Variants in OSBPL3 observed in about 807,000 individuals in gnomAD.
The protein encoded by OSBPL3 is oxysterol-binding protein-related protein 3.
In OSBPL3, 65 loss-of-function variants were observed where a neutral mutation model predicts 120.1. The ratio of observed to expected loss-of-function variants is 0.54; its 90% CI spans 0.44 to 0.67. OSBPL3 has a LOEUF of 0.67. OSBPL3 is among the 30% of genes least tolerant of loss of function. OSBPL3 has a pLI of 0.00. For synonymous variants in OSBPL3, 416 were observed against 402.6 expected, an observed-to-expected ratio of 1.03 and a Z score of -0.40; for missense variants, 1,004 against 1,082.1, an observed-to-expected ratio of 0.93 and a Z score of 1.01.
At position 24,972,862 on chromosome 7, in the gene OSBPL3, T is replaced by C. The variant is rs955698393; in HGVS notation, c.-150+7024A>G. Among the ~76,000 whole-genome samples, 1 of 152,194 alleles carries C rather than the reference T, an allele frequency of 6.6e-6. No individual in the cohort carries two copies. The highest frequency in any genetic ancestry group is 2.4e-5 in the African/African-American group (1 of 41,440). ...TTGTTTTATAAGATGTAAACTATAA[T>C]TTTAAAGTTCTTGTAACTATTACAA... On this transcript the variant is annotated intron_variant, in intron 1 of 22. Coordinates refer to ENST00000313367, the MANE Select transcript of OSBPL3 (RefSeq NM_015550.4). The surrounding 1 kb of genome is among the most constrained non-coding windows in gnomAD (Gnocchi z 4.3).
chr7:24,971,963 GA>G (rs1378003979), intron 1 of OSBPL3, among the ~76,000 whole-genome samples: 5 of 152,150 alleles, frequency 3.3e-5, no homozygotes, highest in African/African-American at 9.7e-5. Flanking sequence ...CTACACCTGA[GA>G]AAAACCCAAG....
At chr7:24,890,145 A>T (rs1445746098) in intron 2 of OSBPL3, among the ~76,000 whole-genome samples, 1 of 152,212 alleles carries the variant, frequency 6.6e-6, no homozygotes, top group East Asian at 1.9e-4. Flanking sequence ...TCAATATCAG[A>T]TGTATCCCCT....
At chr7:24,888,859 G>A (rs1804909990) in intron 2 of OSBPL3, among the ~76,000 whole-genome samples, 1 of 152,142 alleles carries the variant, frequency 6.6e-6, no homozygotes, top group Non-Finnish European at 1.5e-5. Context: ...TAGTGTGGCT[G>A]AAGTACAGAT....
chr7:24,868,084 T>C (rs1801584425), intron 5 of OSBPL3, among the ~76,000 whole-genome samples: 1 of 152,154 alleles, frequency 6.6e-6, no homozygotes, highest in Non-Finnish European at 1.5e-5. Flanking sequence ...TTCGGGAGGC[T>C]GAGGAGGGTG....
At position 24,879,468 on chromosome 7, in the gene OSBPL3, T is replaced by C. The variant is rs1436223979; in HGVS notation, c.97-7399A>G. 1.3e-5 allele frequency among the ~76,000 whole-genome samples: 2 copies of C among 152,168 alleles called. No homozygotes were observed. Among genetic ancestry groups the C allele is most frequent in the East Asian group, 3.8e-4 (2 of 5,200 alleles). On this transcript the variant is annotated intron_variant, in intron 2 of 22. Coordinates refer to ENST00000313367, the MANE Select transcript of OSBPL3 (RefSeq NM_015550.4). This position sits in a 1 kb window ranked among gnomAD's most constrained non-coding sequence, Gnocchi z 5.6. ...CAACCTCAGGCCAGAGCTAGGGAAG[T>C]GAATATCCAGATAATTCAGGCCCCA...
At chr7:24,905,319 C>G (rs771814586) in intron 1 of OSBPL3, among the ~76,000 whole-genome samples, 1 of 151,838 alleles carries the variant, frequency 6.6e-6, no homozygotes, top group East Asian at 1.9e-4. Flanking sequence ...GAAATGTGCA[C>G]CCAGCTCTGC....
In OSBPL3 at chr7:24,899,011, AC is replaced by A. The variant is rs1036219790; in HGVS notation, c.-149-6391del. ...TGGTAACTACATAGAACAAGACAGA[AC>A]TTTTTTTTAACCATAACCTGCACTG... is the stretch of plus-strand genomic sequence containing the variant. On this transcript the variant is annotated intron_variant, in intron 1 of 22. Transcript: ENST00000313367. This position sits in a 1 kb window ranked among gnomAD's most constrained non-coding sequence, Gnocchi z 4.0. 6.6e-6 allele frequency among the ~76,000 whole-genome samples: 1 copy of A among 152,166 alleles called. No homozygotes were observed. Among genetic ancestry groups the A allele is most frequent in the African/African-American group, 2.4e-5 (1 of 41,432 alleles).
At position 24,909,013 on chromosome 7, in the gene OSBPL3, A is replaced by C. The variant is rs375377456; in HGVS notation, c.-149-16392T>G. ...GCACATGGTCTACCTTTCCCCAAAA[A>C]GTAGAGACATCAAACATCCCCCTCA... On this transcript the variant is annotated intron_variant, in intron 1 of 22. Coordinates refer to ENST00000313367, the MANE Select transcript of OSBPL3 (RefSeq NM_015550.4). 6.6e-5 allele frequency among the ~76,000 whole-genome samples: 10 copies of C among 152,202 alleles called. No individual in the cohort carries two copies. The East Asian group carries it at 1.2e-3, about 18-fold the overall frequency.
chr7:24,868,338 AGTGTG>A (rs1366622922), intron 5 of OSBPL3, among the ~76,000 whole-genome samples: 241 of 137,950 alleles, frequency 1.7e-3, no homozygotes, highest in African/African-American at 6.2e-3. Context: ...AAAAAAAAAA[AGTGTG>A]TGTGTGTGTG....
chr7:24,824,049 A>T lies in OSBPL3; in HGVS notation c.1885-3811T>A, dbSNP rs1795417751. Reference sequence around the variant, plus strand: ...TGCTGTCTGTTAGCCTGTTGAATAAACCCAATTTAGACTTTTTTTTTAAGC... The same window carrying T: ...TGCTGTCTGTTAGCCTGTTGAATAATCCCAATTTAGACTTTTTTTTTAAGC... On this transcript the variant is annotated intron_variant, in intron 16 of 22. Transcript: ENST00000313367. This position sits in a 1 kb window ranked among gnomAD's most constrained non-coding sequence, Gnocchi z 4.9. 6.6e-6 allele frequency among the ~76,000 whole-genome samples: 1 copy of T among 152,020 alleles called. No homozygotes were observed. Among genetic ancestry groups the T allele is most frequent in the South Asian group, 2.1e-4 (1 of 4,808 alleles).
In OSBPL3 at chr7:24,980,067, G is replaced by A; in HGVS notation, c.-331C>T. On this transcript the variant is annotated 5_prime_UTR_variant, in exon 1 of 23. Transcript: ENST00000313367. The stretch of plus-strand genomic sequence containing the variant: ...TGGCCACTTGCAGACAGACTGCGGG[G>A]CCGGAGCCGCGCTGCGCACCGGCCG... 8.1e-6 allele frequency: 8 copies of A among 985,082 alleles called. No individual in the cohort carries two copies. Among genetic ancestry groups the A allele is most frequent in the Non-Finnish European group, 7.2e-6 (6 of 829,708 alleles). 61.0% of individuals were successfully genotyped at this position (985,082 alleles called of 1,614,324 possible).
chr7:24,847,542 T>C (rs1798597412), intron 12 of OSBPL3, among the ~76,000 whole-genome samples: 2 of 152,240 alleles, frequency 1.3e-5, no homozygotes, highest in South Asian at 4.1e-4. Context: ...TTTAAATATA[T>C]AGTTTAAAAA....
chr7:24,904,955 G>A (rs1466342877), intron 1 of OSBPL3, among the ~76,000 whole-genome samples: 1 of 148,166 alleles, frequency 6.7e-6, no homozygotes, highest in Non-Finnish European at 1.5e-5. Context: ...GTGTGTGTGT[G>A]TGTGTGAATA....
chr7:24,977,386 C>G (rs1264121657), intron 1 of OSBPL3, among the ~76,000 whole-genome samples: 1 of 152,198 alleles, frequency 6.6e-6, no homozygotes, highest in Non-Finnish European at 1.5e-5. Flanking sequence ...ATTTGTATCA[C>G]TGGATTCTAT....
chr7:24,945,201 C>T (rs1344918200), intron 1 of OSBPL3, among the ~76,000 whole-genome samples: 1 of 152,200 alleles, frequency 6.6e-6, no homozygotes, highest in African/African-American at 2.4e-5. Flanking sequence ...ATCCTTCCCT[C>T]CTTCAATCAA....
chr7:24,961,608 G>T (rs145820934), intron 1 of OSBPL3, among the ~76,000 whole-genome samples: 1 of 152,282 alleles, frequency 6.6e-6, no homozygotes, highest in African/African-American at 2.4e-5. Context: ...CTATGATAAT[G>T]CAGGCCCTCA....
At chr7:24,926,596 A>G (rs1455450285) in intron 1 of OSBPL3, among the ~76,000 whole-genome samples, 2 of 152,142 alleles carry the variant, frequency 1.3e-5, no homozygotes, top group African/African-American at 4.8e-5. Flanking sequence ...ACACCTTTGT[A>G]GCAGCCATGC....
chr7:24,966,331 G>GCCCA lies in OSBPL3; in HGVS notation c.-150+13554_-150+13555insTGGG, dbSNP rs761955169. Among the ~76,000 whole-genome samples the GCCCA allele has an allele frequency of 1.3e-4, 20 of 151,994 alleles. 3 individuals carry two copies. The highest frequency in any genetic ancestry group is 5.2e-4 in the Admixed American group (8 of 15,288). On this transcript the variant is annotated intron_variant, in intron 1 of 22. Transcript: ENST00000313367. This position sits in a 1 kb window ranked among gnomAD's most constrained non-coding sequence, Gnocchi z 4.8. ...GTGTCTTATCTGTGGGTCAGAAAAG[G>GCCCA]CAGTCATCTAATATAAAGATCTATC...
intron 1 of OSBPL3, among the ~76,000 whole-genome samples, chr7:24,902,652 C>G (rs866202482): frequency 1.3e-5 from 2 of 151,340 alleles, no homozygotes; most frequent in African/African-American, 4.9e-5. Context: ...TTACACTGTA[C>G]AGAGGCTTCT....
Sources: gnomAD v4.1 joint callset for allele counts (sites outside exome capture counted in the v4.1 genomes callset) on GRCh38, gnomAD v4.1.1 for gene constraint, Gnocchi (gnomAD v3.1) non-coding constraint, MANE v1.5 for transcripts, NCBI Gene and HGNC (gene_info 2026-07-23, HGNC 2026-07-21) for gene names.